Variants in NADSYN1 observed in about 807,000 individuals in gnomAD.
NADSYN1 encodes the protein NAD synthetase 1, also known as glutamine-dependent NAD(+) synthetase.
NADSYN1 carries 80 observed loss-of-function variants against 99.3 expected under a neutral mutation model. That is an observed-to-expected ratio of 0.81 (90% CI 0.67 to 0.97). The LOEUF is 0.97. Ranked by LOEUF, NADSYN1 falls within the 50% of genes least tolerant of loss-of-function variation. NADSYN1 has a pLI of 0.00. For missense variants in NADSYN1, 859 were observed against 948.5 expected, an observed-to-expected ratio of 0.91 and a Z score of 1.24; for synonymous variants, 385 against 372.1, an observed-to-expected ratio of 1.03 and a Z score of -0.40.
intron 18 of NADSYN1, among the ~76,000 whole-genome samples, chr11:71,492,799 C>T (rs543282646): frequency 1.0e-3 from 153 of 152,024 alleles, no homozygotes; most frequent in Non-Finnish European, 2.0e-3. Context: ...GTTTGGAGTT[C>T]GGGGAGTTTC....
intron 3 of NADSYN1, 49 bp from the exon 4 acceptor site, chr11:71,463,383 G>A (rs1949563559): frequency 1.3e-6 from 2 of 1,537,868 alleles, no homozygotes; most frequent in Non-Finnish European, 9.0e-7. Context: ...CATGTGCTCT[G>A]TGTTTCATAA....
At chr11:71,458,226 C>T (rs928501297) in intron 2 of NADSYN1, among the ~76,000 whole-genome samples, 5 of 152,172 alleles carry the variant, frequency 3.3e-5, no homozygotes, top group African/African-American at 1.2e-4. Flanking sequence ...GAGCAGGGGC[C>T]GTGCTCTTCG....
At chr11:71,481,051 C>T (rs1949703738) in intron 11 of NADSYN1, 172 bp downstream of exon 11, 2 of 888,074 alleles carry the variant, frequency 2.3e-6, no homozygotes, top group Non-Finnish European at 1.7e-6. Flanking sequence ...GCCAGAACCC[C>T]TGGGTGTGAC....
chr11:71,501,184 C>T (rs1446777022), intron 20 of NADSYN1, 118 bp from the exon 21 acceptor site: 1 of 948,330 alleles, frequency 1.1e-6, no homozygotes, highest in Non-Finnish European at 1.5e-6. Flanking sequence ...GGTGGGGACT[C>T]TGGTAATTTA....
chr11:71,488,930 T>G (rs1949761588), intron 16 of NADSYN1, among the ~76,000 whole-genome samples: 1 of 152,014 alleles, frequency 6.6e-6, no homozygotes, highest in Admixed American at 6.6e-5. Context: ...ACAGTGGGGA[T>G]GTTGCTGGTG....
intron 13 of NADSYN1, 110 bp downstream of exon 13, chr11:71,482,135 G>T (rs1949712492): frequency 3.2e-6 from 3 of 951,662 alleles, no homozygotes; most frequent in South Asian, 1.6e-5. Context: ...GGACATCGGG[G>T]TGAAGGGGGC....
chr11:71,477,796 T>C (rs1057198707), intron 9 of NADSYN1, among the ~76,000 whole-genome samples: 2 of 152,132 alleles, frequency 1.3e-5, no homozygotes, highest in Non-Finnish European at 1.5e-5. Flanking sequence ...TCCTTTGTGT[T>C]GGCCTCAGTC....
At chr11:71,471,867 A>G (rs1949629359) in intron 5 of NADSYN1, among the ~76,000 whole-genome samples, 1 of 152,192 alleles carries the variant, frequency 6.6e-6, no homozygotes, top group Non-Finnish European at 1.5e-5. Context: ...AGTTCCTTGC[A>G]GATCTGAGTG....
intron 16 of NADSYN1, among the ~76,000 whole-genome samples, chr11:71,488,195 C>CGGTGGTG (rs1182443613): frequency 6.6e-6 from 1 of 152,076 alleles, no homozygotes; most frequent in Admixed American, 6.6e-5. Context: ...GCTTTCTTCC[C>CGGTGGTG]GGTGGTGTGA....
At chr11:71,481,308 T>G (rs1949705892) in intron 11 of NADSYN1, 48 bp from the exon 12 acceptor site, 1 of 1,604,482 alleles carries the variant, frequency 6.2e-7, no homozygotes, top group South Asian at 1.1e-5. Context: ...TTGGGTGCTG[T>G]GGGCAGGGGC....
At position 71,484,621 on chromosome 11, in the gene NADSYN1, C is replaced by A. The variant is rs550379517; in HGVS notation, c.1455+174C>A. 1.2e-5 allele frequency: 11 copies of A among 934,732 alleles called. No individual in the cohort carries two copies. The South Asian group carries it at 2.0e-4, about 17-fold the overall frequency. The allele number at this position is 934,732 out of a possible 1,614,324, so 57.9% of individuals were successfully genotyped here. A position where few individuals can be genotyped will look rare whatever the true frequency, so the allele number is the denominator to read the frequency against. The stretch of plus-strand genomic sequence containing the variant: ...CACAGCCTGTATGCCTCACTGAAGA[C>A]GTCGGTCATGCAGCCTTGTTAACAA... On this transcript the variant is annotated intron_variant, in intron 15 of 20. Transcript: ENST00000319023.
rs1949774573 is a variant in NADSYN1 at position 71,490,928 on chromosome 11, C to T, written c.1646C>T (p.Ala549Val). 9.3e-6 allele frequency: 15 copies of T among 1,614,234 alleles called. No individual in the cohort carries two copies. The highest frequency in any genetic ancestry group is 1.3e-5 in the Non-Finnish European group (15 of 1,180,038). Residue 549 changes from alanine to valine, a missense_variant, in exon 17 of 21, where the codon GCC (alanine) becomes GTC (valine). By Grantham distance (64) the Ala-to-Val change is moderately conservative. Coordinates refer to ENST00000319023, the MANE Select transcript of NADSYN1 (RefSeq NM_018161.5). Reference sequence around the variant, plus strand: ...GGGATCAGCAAGACGGACCTCAGGGCCTTCGTCCAGTTCTGCATCCAGCGC... The same window carrying T: ...GGGATCAGCAAGACGGACCTCAGGGTCTTCGTCCAGTTCTGCATCCAGCGC... ...IGGISKTDLR[A>V]FVQFCIQRFQ...
At chr11:71,476,719 G>A (rs112413028) in intron 9 of NADSYN1, 53 of 847,592 alleles carry the variant, frequency 6.3e-5, no homozygotes, top group Admixed American at 5.2e-4. Flanking sequence ...TCCTCTCCCC[G>A]TTCACGTCAG....
rs79972928 is a variant in NADSYN1, at chr11:71,484,254, G to A, written c.1320-58G>A. The A allele has an allele frequency of 2.2e-3, 3,552 of 1,585,752 alleles. 110 individuals are homozygous for A. The East Asian group carries it at 0.065, about 29-fold the overall frequency. On this transcript the variant is annotated intron_variant, in intron 14 of 20. Transcript: ENST00000319023. Reference sequence around the variant, plus strand: ...GTCATCAGGGCTTCACCGCTCATGCGCACACACATGCACACACGTGCACAT... The same window carrying A: ...GTCATCAGGGCTTCACCGCTCATGCACACACACATGCACACACGTGCACAT...
intron 20 of NADSYN1, chr11:71,499,383 C>T (rs1221787076): frequency 6.6e-6 from 1 of 152,170 alleles, no homozygotes; most frequent in Non-Finnish European, 1.5e-5. Context: ...ACAATGGCTA[C>T]ACTAATTGCT....
chr11:71,477,785 C>T (rs927404088), intron 9 of NADSYN1, among the ~76,000 whole-genome samples: 1 of 152,210 alleles, frequency 6.6e-6, no homozygotes, highest in Admixed American at 6.5e-5. Flanking sequence ...CAGCTCCATC[C>T]TCCTTTGTGT....
intron 5 of NADSYN1, among the ~76,000 whole-genome samples, chr11:71,468,074 GGAGA>G (rs1212808471): frequency 2.0e-5 from 3 of 152,180 alleles, no homozygotes; most frequent in South Asian, 2.1e-4. Context: ...AAAAATCCGA[GGAGA>G]GAGTCACCGG....
chr11:71,475,709 C>T (rs1210813364), intron 9 of NADSYN1: 1 of 258,070 alleles, frequency 3.9e-6, no homozygotes, highest in South Asian at 4.1e-5. Flanking sequence ...GGCCACTCTC[C>T]CTTTCGGTTG....
chr11:71,482,181 C>T (rs1469603623), intron 13 of NADSYN1, among the ~76,000 whole-genome samples, 156 bp downstream of exon 13: 1 of 152,198 alleles, frequency 6.6e-6, no homozygotes, highest in Non-Finnish European at 1.5e-5. Flanking sequence ...GCATCACATC[C>T]CAGTCCTGCA....
Sources: allele counts gnomAD v4.1 joint callset (sites outside exome capture counted in the v4.1 genomes callset), GRCh38; gene constraint gnomAD v4.1.1; transcripts MANE v1.5; gene names NCBI Gene and HGNC (gene_info 2026-07-23, HGNC 2026-07-21).